DMC1: variants seen among roughly 807,000 people sequenced by gnomAD.
The protein encoded by DMC1 is meiotic recombination protein DMC1 homolog.
A neutral mutation model predicts 50.1 loss-of-function variants in DMC1; 27 were observed. The observed-to-expected ratio is 0.54, with a 90% CI of 0.40 to 0.74. The LOEUF (loss-of-function observed/expected upper bound fraction) is 0.74, where lower values mean the gene tolerates loss of function less well. DMC1 is among the 30% of genes least tolerant of loss of function. The probability of loss-of-function intolerance (pLI) is 0.00; values close to 1 mark genes in which losing one functional copy is unlikely to be tolerated. For missense variants in DMC1, 295 were observed against 420.2 expected, an observed-to-expected ratio of 0.70 and a Z score of 2.60; for synonymous variants, 148 against 136.1, an observed-to-expected ratio of 1.09 and a Z score of -0.61.
chr22:38,553,520 A>AT (rs2090436527), intron 6 of DMC1, among the ~76,000 whole-genome samples: 1 of 150,180 alleles, frequency 6.7e-6, no homozygotes. Context: ...AAAAAAAGAA[A>AT]GTTTAAGACC....
chr22:38,548,685 C>A (rs748191628), intron 8 of DMC1, among the ~76,000 whole-genome samples: 1 of 152,040 alleles, frequency 6.6e-6, no homozygotes, highest in Non-Finnish European at 1.5e-5. Flanking sequence ...ACCAGCCTGG[C>A]CAACATGGCG....
intron 8 of DMC1, among the ~76,000 whole-genome samples, chr22:38,548,841 C>CA (rs72057713): frequency 0.029 from 4,195 of 142,322 alleles, 185 homozygotes; most frequent in African/African-American, 0.1. Context: ...GACACTGTCT[C>CA]AAAAAAAAAA....
rs2090601912 is a variant in DMC1, at chr22:38,568,272, A to G, written c.-16T>C. The G allele has an allele frequency of 1.2e-6, 2 of 1,613,576 alleles. No individual in the cohort carries two copies. Among genetic ancestry groups the G allele is most frequent in the Non-Finnish European group, 1.7e-6 (2 of 1,179,608 alleles). On this transcript the variant is annotated 5_prime_UTR_variant, in exon 2 of 14. Transcript: ENST00000216024. Reference sequence around the variant, plus strand: ...CCTCCTTCATATTGAAAAGTGGGCAACAGAAAAATAATCACTTCTGGGAAA... The same window carrying G: ...CCTCCTTCATATTGAAAAGTGGGCAGCAGAAAAATAATCACTTCTGGGAAA...
chr22:38,542,508 A>G (rs112898075), intron 8 of DMC1, among the ~76,000 whole-genome samples: 2 of 152,196 alleles, frequency 1.3e-5, no homozygotes, highest in Non-Finnish European at 2.9e-5. Flanking sequence ...GAAGTGAAGG[A>G]TCTCTACAAT....
chr22:38,545,956 G>C (rs1471802159), intron 8 of DMC1: 1 of 152,226 alleles, frequency 6.6e-6, no homozygotes, highest in African/African-American at 2.4e-5. Flanking sequence ...AGAGACAGCA[G>C]TATAAGTATG....
intron 8 of DMC1, among the ~76,000 whole-genome samples, chr22:38,540,966 G>C (rs1462641619): frequency 3.3e-5 from 5 of 152,104 alleles, no homozygotes; most frequent in Admixed American, 3.3e-4. Context: ...TGTAACAAAA[G>C]GCCACCAAGA....
chr22:38,538,219 CATT>C, intron 11 of DMC1, 73 bp downstream of exon 11: 4 of 1,225,268 alleles, frequency 3.3e-6, no homozygotes, highest in African/African-American at 1.5e-5. Flanking sequence ...TGCCTCCTGA[CATT>C]ATATTCCAAG....
downstream of DMC1, among the ~76,000 whole-genome samples, chr22:38,517,142 G>A (rs1478802539): frequency 6.6e-6 from 1 of 152,226 alleles, no homozygotes; most frequent in African/African-American, 2.4e-5. Flanking sequence ...GTAAGGGCCA[G>A]ATAGAGCTAG....
At chr22:38,550,930 C>CAAAAAAAAA (rs60295497) in intron 7 of DMC1, among the ~76,000 whole-genome samples, 1 of 57,760 alleles carries the variant, frequency 1.7e-5, no homozygotes, top group Non-Finnish European at 3.1e-5. Context: ...GACTCCATCT[C>CAAAAAAAAA]AAAAAAAAAA....
At chr22:38,521,381 TAGAA>T (rs1412956903) in intron 13 of DMC1, among the ~76,000 whole-genome samples, 1 of 152,040 alleles carries the variant, frequency 6.6e-6, no homozygotes, top group Non-Finnish European at 1.5e-5. Context: ...AATAATTTTT[TAGAA>T]AGAAATTCAA....
chr22:38,568,884 A>AT, intron 1 of DMC1, among the ~76,000 whole-genome samples: 1 of 152,182 alleles, frequency 6.6e-6, no homozygotes, highest in African/African-American at 2.4e-5. Flanking sequence ...TAGTTTCATG[A>AT]TTTTTTTAAG....
intron 4 of DMC1, among the ~76,000 whole-genome samples, chr22:38,564,677 T>C (rs191452583): frequency 1.8e-3 from 269 of 152,278 alleles, no homozygotes; most frequent in Non-Finnish European, 2.8e-3. Flanking sequence ...AAGGAGAAGA[T>C]TCTTGGTGCA....
intron 6 of DMC1, among the ~76,000 whole-genome samples, chr22:38,553,099 C>T (rs964375017): frequency 2.0e-5 from 3 of 151,858 alleles, no homozygotes; most frequent in African/African-American, 4.8e-5. Context: ...CCGCCCACCT[C>T]AGCCTCCCAA....
At chr22:38,514,789 G>T (rs2089964907), downstream of DMC1, among the ~76,000 whole-genome samples, 1 of 152,086 alleles carries the variant, frequency 6.6e-6, no homozygotes, top group African/African-American at 2.4e-5. Context: ...TCTAAAAGGA[G>T]AGGAACCATC....
Position 38,539,309 on chromosome 22 carries a change from T to A in DMC1, c.586+12A>T, listed in dbSNP as rs749192182. 3.4e-5 allele frequency: 54 copies of A among 1,603,804 alleles called. No individual in the cohort carries two copies. The highest frequency in any genetic ancestry group is 6.7e-5 in the African/African-American group (5 of 74,708). On this transcript the variant is annotated intron_variant, in intron 9 of 13. Coordinates refer to ENST00000216024, the MANE Select transcript of DMC1 (RefSeq NM_007068.4). ...ACATTGACCCAAGCATCCAACTGCA[T>A]GGGGCTCTTACTAGTATATGCACGT...
intron 12 of DMC1, 85 bp downstream of exon 12, chr22:38,537,507 C>T (rs762709732): frequency 1.7e-5 from 22 of 1,321,956 alleles, no homozygotes; most frequent in Admixed American, 3.4e-5. Context: ...CCACCGTGCC[C>T]GGCCTTGAAA....
intron 8 of DMC1, among the ~76,000 whole-genome samples, chr22:38,544,258 C>G (rs1206911190): frequency 6.6e-6 from 1 of 152,188 alleles, no homozygotes; most frequent in Non-Finnish European, 1.5e-5. Context: ...AAAACTCAAA[C>G]TGGAAACTGC....
intron 5 of DMC1, among the ~76,000 whole-genome samples, chr22:38,556,802 AT>A (rs2090473200): frequency 6.6e-6 from 1 of 152,228 alleles, no homozygotes; most frequent in Non-Finnish European, 1.5e-5. Flanking sequence ...TATATAGATA[AT>A]CCAATACATT....
chr22:38,511,622 G>A, the DMC1 span, among the ~76,000 whole-genome samples: 1 of 152,066 alleles, frequency 6.6e-6, no homozygotes, highest in Admixed American at 6.6e-5. Flanking sequence ...AGAGAGAGAA[G>A]ACAGGGTCTT....
Sources: gnomAD v4.1 joint callset for allele counts (sites outside exome capture counted in the v4.1 genomes callset) on GRCh38, gnomAD v4.1.1 for gene constraint, MANE v1.5 for transcripts, NCBI Gene and HGNC (gene_info 2026-07-23, HGNC 2026-07-21) for gene names.